Variants in PHRF1 observed in about 807,000 individuals in gnomAD.
PHRF1 encodes PHD and RING finger domain-containing protein 1.
PHRF1 carries 53 observed loss-of-function variants against 128.9 expected under a neutral mutation model. The ratio of observed to expected loss-of-function variants is 0.41; its 90% CI spans 0.33 to 0.52. The LOEUF (loss-of-function observed/expected upper bound fraction) is 0.52, where lower values mean the gene tolerates loss of function less well. Among genes scored for constraint, PHRF1 ranks in the 20% least tolerant of loss-of-function variants. The probability of loss-of-function intolerance (pLI) is 0.21; values close to 1 mark genes in which losing one functional copy is unlikely to be tolerated. For missense variants in PHRF1, 2,503 were observed against 2,284.5 expected (o/e 1.10, Z -1.95); for synonymous variants, 1,178 against 980.6 (o/e 1.20, Z -3.76).
intron 2 of PHRF1, 22 bp downstream of exon 2, chr11:581,628 A>G (rs1192288351): frequency 1.3e-6 from 2 of 1,594,840 alleles, no homozygotes; most frequent in Non-Finnish European, 1.7e-6. Context: ...AGCGCCGGGT[A>G]GGGGCGTCCC....
chr11:597,547 A>G lies in PHRF1; in HGVS notation c.871A>G (p.Ile291Val). The G allele has an allele frequency of 6.2e-7, 1 of 1,611,956 alleles. No individual in the cohort carries two copies. Among genetic ancestry groups the G allele is most frequent in the South Asian group, 1.1e-5 (1 of 90,642 alleles). ...GAGAGCAACCGTGAACCGGAACCGG[A>G]TCTCCACGGCCAGGAGGGTCCAGGT... ...RVRATVNRNR[I>V]STARRVQHTP... Residue 291 changes from isoleucine to valine, a missense_variant, in exon 8 of 18, where the codon ATC (isoleucine) becomes GTC (valine). Physicochemically the swap from Ile to Val is conservative, Grantham distance 29 (BLOSUM62 3). Transcript: ENST00000264555. This position sits in a 1 kb window ranked among gnomAD's most constrained non-coding sequence, Gnocchi z 6.5.
chr11:586,883 C>G (rs553184225), intron 3 of PHRF1, among the ~76,000 whole-genome samples: 2 of 152,264 alleles, frequency 1.3e-5, no homozygotes, highest in African/African-American at 4.8e-5. Context: ...GGCTGCTGCA[C>G]TGAGGGGCTC....
Position 609,040 on chromosome 11 carries a change from A to G in PHRF1, c.3584A>G (p.Lys1195Arg). Reference protein sequence around the residue: ...PQTRSHSPERKGAVREASPAP... With the variant: ...PQTRSHSPERRGAVREASPAP... ...ACCCGGTCCCATTCCCCAGAGAGGA[A>G]GGGGGCTGTGAGGGAGGCTTCCCCA... Residue 1195 changes from lysine to arginine, a missense_variant, in exon 14 of 18, where the codon AAG becomes AGG. Transcript: ENST00000264555. 6.3e-7 allele frequency: 1 copy of G among 1,595,170 alleles called. No homozygotes were observed. The highest frequency in any genetic ancestry group is 8.5e-7 in the Non-Finnish European group (1 of 1,171,488).
At chr11:584,777 G>T (rs1246279691) in intron 3 of PHRF1, among the ~76,000 whole-genome samples, 1 of 108,144 alleles carries the variant, frequency 9.2e-6, no homozygotes, top group Non-Finnish European at 1.7e-5. Context: ...CACTCTTGTT[G>T]CCCAGGCTGG....
In PHRF1 at chr11:607,347, T is replaced by A. The variant is rs1856013222; in HGVS notation, c.1891T>A (p.Trp631Arg). Residue 631 changes from tryptophan to arginine, a missense_variant, in exon 14 of 18, where the codon TGG becomes AGG. Transcript: ENST00000264555. ...VPGFRQSHSPWFNGTNKHTLP... is the reference protein window; with the variant it reads ...VPGFRQSHSPRFNGTNKHTLP... ...TGGCTTCAGACAGAGCCACAGCCCCTGGTTCAACGGCACCAACAAGCACAC... is the reference window on the plus strand; with the variant it reads ...TGGCTTCAGACAGAGCCACAGCCCCAGGTTCAACGGCACCAACAAGCACAC... 1 of 1,612,700 alleles carries A rather than the reference T, an allele frequency of 6.2e-7. No homozygotes were observed. The highest frequency in any genetic ancestry group is 1.3e-5 in the African/African-American group (1 of 75,024).
At chr11:582,114 G>C (rs761264741) in intron 3 of PHRF1, 33 bp downstream of exon 3, 2 of 1,559,260 alleles carry the variant, frequency 1.3e-6, no homozygotes, top group African/African-American at 2.7e-5. Flanking sequence ...CGGCTCCTGT[G>C]TTTCCTCTTG....
At position 581,491 on chromosome 11, in the gene PHRF1, G is replaced by C. The variant is rs2134173505; in HGVS notation, c.-21-1G>C. The C allele has an allele frequency of 1.2e-6, 2 of 1,612,964 alleles. No individual in the cohort carries two copies. Among genetic ancestry groups the C allele is most frequent in the East Asian group, 2.2e-5 (1 of 44,882 alleles). ...AGTTGCTTGGCTCTTCTTTCTTTCA[G>C]AGCTGAGCTCAATGTGCAGCAATGG... On this transcript the variant is annotated splice_acceptor_variant, in intron 1 of 17. Transcript: ENST00000264555. LOFTEE classifies it low-confidence loss of function (5UTR_SPLICE).
intron 3 of PHRF1, among the ~76,000 whole-genome samples, 156 bp downstream of exon 3, chr11:582,237 G>A (rs1286731004): frequency 6.6e-6 from 1 of 151,944 alleles, no homozygotes; most frequent in Non-Finnish European, 1.5e-5. Flanking sequence ...TGTGGTGACG[G>A]CTCACTTTAT....
intron 10 of PHRF1, 75 bp from the exon 11 acceptor site, chr11:605,044 A>G (rs1004719617): frequency 7.1e-5 from 101 of 1,416,420 alleles, no homozygotes; most frequent in Non-Finnish European, 9.6e-5. Flanking sequence ...TGAAGGCTTC[A>G]CGTGGCATTT....
Position 591,426 on chromosome 11 carries a change from A to C in PHRF1, c.463A>C (p.Ile155Leu). The C allele has an allele frequency of 1.9e-6, 3 of 1,609,826 alleles. No homozygotes were observed. Among genetic ancestry groups the C allele is most frequent in the Non-Finnish European group, 1.7e-6 (2 of 1,178,334 alleles). Reference sequence around the variant, plus strand: ...AGTTGATCGAACTCTATTTAAGTGCATTTGTATTCGAGCTCAATTTGGTGG... The same window carrying C: ...AGTTGATCGAACTCTATTTAAGTGCCTTTGTATTCGAGCTCAATTTGGTGG... ...CPVDRTLFKC[I>L]CIRAQFGGKI... The change falls in exon 5 of 18, where the codon ATT becomes CTT. Residue 155 changes from isoleucine (I) to leucine (L), a missense_variant. Physicochemically the swap from Ile to Leu is conservative, Grantham distance 5. Transcript: ENST00000264555.
rs774725932 is a variant in PHRF1, at chr11:607,145, A to G, written c.1689A>G (p.Ala563=). Residue 563 remains alanine (A), a synonymous_variant, in exon 14 of 18, where the codon GCA becomes GCG. Coordinates refer to ENST00000264555, the MANE Select transcript of PHRF1 (RefSeq NM_001286581.2). The part of the protein sequence containing the change: ...EGFKGCLQPR[A]LPSGSPAQGP... The stretch of plus-strand genomic sequence containing the variant: ...TCAAGGGCTGCCTGCAGCCCCGAGC[A>G]CTGCCCTCCGGGAGCCCGGCCCAAG... 1 of 1,613,028 alleles carries G rather than the reference A, an allele frequency of 6.2e-7. No homozygotes were observed. The highest frequency in any genetic ancestry group is 1.3e-5 in the African/African-American group (1 of 75,060).
In PHRF1 at chr11:609,152, G is replaced by T; in HGVS notation, c.3696G>T (p.Val1232=). 6.2e-7 allele frequency: 1 copy of T among 1,606,144 alleles called. No individual in the cohort carries two copies. The highest frequency in any genetic ancestry group is 8.5e-7 in the Non-Finnish European group (1 of 1,178,894). ...GGGAAGCACATGTCTCGCCGGAGGT[G>T]GCTACGGCCGACAAGGCCCCCCTGC... ...ALGEAHVSPE[V]ATADKAPLQA... is the part of the protein sequence containing the mutation. Residue 1232 remains valine (V), a synonymous_variant, in exon 14 of 18, where the codon GTG becomes GTT. Transcript: ENST00000264555.
chr11:591,741 G>A (rs1009896768), intron 5 of PHRF1, among the ~76,000 whole-genome samples: 9 of 152,212 alleles, frequency 5.9e-5, no homozygotes, highest in Middle Eastern at 3.4e-3. Context: ...GCTCTGGCCC[G>A]TCTGCTCGGA....
At chr11:585,176 T>C (rs939507927) in intron 3 of PHRF1, among the ~76,000 whole-genome samples, 1 of 152,200 alleles carries the variant, frequency 6.6e-6, no homozygotes, top group African/African-American at 2.4e-5. Flanking sequence ...TTTCCCACCC[T>C]GGTGTTTCCT....
At chr11:576,681 G>C (rs983935793) in intron 1 of PHRF1, 89 bp downstream of exon 1, 2 of 147,684 alleles carry the variant, frequency 1.4e-5, no homozygotes, top group Admixed American at 1.3e-4. Context: ...TCTGCGGCCT[G>C]CACCGCGGGG....
rs1269916685 is a variant in PHRF1, at chr11:576,473, C to T, written c.-141C>T. 2 of 153,022 alleles carry T rather than the reference C, an allele frequency of 1.3e-5. No individual in the cohort carries two copies. Among genetic ancestry groups the T allele is most frequent in the Admixed American group, 1.3e-4 (2 of 15,290 alleles). 9.5% of individuals were successfully genotyped at this position (153,022 alleles called of 1,614,324 possible). ...AGGAGCCCGGAAGAGGCGCCGTGCACTTCCGGGTCGAAGAGCGCACGGCGG... is the reference window on the plus strand; with the variant it reads ...AGGAGCCCGGAAGAGGCGCCGTGCATTTCCGGGTCGAAGAGCGCACGGCGG... On this transcript the variant is annotated 5_prime_UTR_variant, in exon 1 of 18. Coordinates refer to ENST00000264555, the MANE Select transcript of PHRF1 (RefSeq NM_001286581.2).
chr11:596,394 A>G (rs1347327953), intron 6 of PHRF1, among the ~76,000 whole-genome samples: 1 of 152,156 alleles, frequency 6.6e-6, no homozygotes, highest in East Asian at 1.9e-4. Flanking sequence ...GTGAGGTGCA[A>G]TGTTTGAAAA....
chr11:588,070 T>G (rs1202859933), intron 4 of PHRF1, among the ~76,000 whole-genome samples: 1 of 152,144 alleles, frequency 6.6e-6, no homozygotes, highest in East Asian at 1.9e-4. Context: ...TACTCAGGGC[T>G]CAGCTCCGAC....
At position 589,619 on chromosome 11, in the gene PHRF1, T is replaced by C. The variant is rs182984730; in HGVS notation, c.421-1765T>C. Among the ~76,000 whole-genome samples, 416 of 152,316 alleles carry C rather than the reference T, an allele frequency of 2.7e-3. 1 individual carries two copies. The highest frequency in any genetic ancestry group is 9.4e-3 in the African/African-American group (391 of 41,558). On this transcript the variant is annotated intron_variant, in intron 4 of 17. Transcript: ENST00000264555. ...GTGGGGCAGGTCAGCTGGGGGCTGC[T>C]CACAGCACACACACGATGCCGGACG...
Sources: gnomAD v4.1 joint callset for allele counts (sites outside exome capture counted in the v4.1 genomes callset) on GRCh38, gnomAD v4.1.1 for gene constraint, Gnocchi (gnomAD v3.1) non-coding constraint, MANE v1.5 for transcripts, NCBI Gene and HGNC (gene_info 2026-07-23, HGNC 2026-07-21) for gene names.